Variants in PGR observed in about 807,000 individuals in gnomAD.
The protein encoded by PGR is nuclear receptor subfamily 3 group C member 3.
In PGR, 25 loss-of-function variants were observed where a neutral mutation model predicts 76.1. The ratio of observed to expected loss-of-function variants is 0.33; its 90% CI spans 0.24 to 0.46. The LOEUF is 0.46. Ranked by LOEUF, PGR falls within the 20% of genes least tolerant of loss-of-function variation. The pLI is 1.00. For missense variants in PGR, 1,172 were observed against 1,225.3 expected (o/e 0.96, Z 0.65); for synonymous variants, 579 against 535.0 (o/e 1.08, Z -1.14).
rs915504455 is a variant in PGR at position 101,088,056 on chromosome 11, G to C, written c.1906+3704C>G. 2.0e-5 allele frequency among the ~76,000 whole-genome samples: 3 copies of C among 152,032 alleles called. No homozygotes were observed. In the South Asian group the frequency reaches 6.2e-4, roughly 32 times the overall value. ...AAAAAAATAAATAAAAAGTTTGCCA[G>C]GTGTGGTGGTGCGTGCCTGTAGTCT... On this transcript the variant is annotated intron_variant, in intron 3 of 7. Transcript: ENST00000325455.
At position 101,107,187 on chromosome 11, in the gene PGR, T is replaced by C. The variant is rs182483574; in HGVS notation, c.1790-15311A>G. Among the ~76,000 whole-genome samples, 16 of 152,312 alleles carry C rather than the reference T, an allele frequency of 1.1e-4. No homozygotes were observed. In the East Asian group the frequency reaches 3.1e-3, roughly 29 times the overall value. The stretch of plus-strand genomic sequence containing the variant: ...GTAACAAAACTGCACGTTCTGCACA[T>C]GTACCCCAGAACTTAAAGTATAAGT... On this transcript the variant is annotated intron_variant, in intron 2 of 7. Coordinates refer to ENST00000325455, the MANE Select transcript of PGR (RefSeq NM_000926.4).
At chr11:101,055,608 T>C (rs1860263506) in intron 4 of PGR, among the ~76,000 whole-genome samples, 2 of 152,096 alleles carry the variant, frequency 1.3e-5, no homozygotes. Flanking sequence ...GACTTAACTA[T>C]GCTGTAATTT....
chr11:101,083,531 G>A (rs1019169579), intron 3 of PGR, among the ~76,000 whole-genome samples: 2 of 152,226 alleles, frequency 1.3e-5, no homozygotes, highest in Non-Finnish European at 2.9e-5. Context: ...AAAAGCAGCT[G>A]TGGGGGCTGT....
At chr11:101,119,050 A>G (rs886851991) in intron 2 of PGR, among the ~76,000 whole-genome samples, 4 of 152,160 alleles carry the variant, frequency 2.6e-5, no homozygotes, top group African/African-American at 9.7e-5. Context: ...AGATTCTCAT[A>G]AGAAGTGCGC....
chr11:101,113,860 T>G (rs1179525705), intron 2 of PGR, among the ~76,000 whole-genome samples: 1 of 152,106 alleles, frequency 6.6e-6, no homozygotes, highest in African/African-American at 2.4e-5. Context: ...CCTTTCTATT[T>G]CCTACTCCTT....
chr11:101,108,417 A>G (rs1862244382), intron 2 of PGR, among the ~76,000 whole-genome samples: 1 of 152,066 alleles, frequency 6.6e-6, no homozygotes, highest in Admixed American at 6.6e-5. Flanking sequence ...ACTTCAGCCC[A>G]GGAGTTCAAG....
chr11:101,095,380 C>A (rs569276658), intron 2 of PGR, among the ~76,000 whole-genome samples: 1 of 152,244 alleles, frequency 6.6e-6, no homozygotes, highest in African/African-American at 2.4e-5. Flanking sequence ...AACTTACTAT[C>A]CACAAATAAA....
chr11:101,067,608 T>G (rs1429094750), intron 3 of PGR, among the ~76,000 whole-genome samples: 1 of 151,970 alleles, frequency 6.6e-6, no homozygotes, highest in Non-Finnish European at 1.5e-5. Flanking sequence ...GGTGTGCAGG[T>G]TACCTACAGA....
chr11:101,068,161 A>C (rs1205549110), intron 3 of PGR, among the ~76,000 whole-genome samples: 1 of 152,210 alleles, frequency 6.6e-6, no homozygotes, highest in Admixed American at 6.5e-5. Flanking sequence ...TATATTAAAA[A>C]GTATGGCTTA....
chr11:101,055,908 A>G (rs1356285411), intron 4 of PGR, among the ~76,000 whole-genome samples: 3 of 152,238 alleles, frequency 2.0e-5, no homozygotes, highest in Admixed American at 6.5e-5. Flanking sequence ...CAATATTTAT[A>G]GCAGAAACTA....
rs183072266 is a variant in PGR, at chr11:101,036,089, A to G, written c.*3027T>C. 238 of 219,568 alleles carry G rather than the reference A, an allele frequency of 1.1e-3. No individual in the cohort carries two copies. Among genetic ancestry groups the G allele is most frequent in the Non-Finnish European group, 1.8e-3 (198 of 109,590 alleles). The allele number at this position is 219,568 out of a possible 1,614,324, so 13.6% of individuals were successfully genotyped here. On this transcript the variant is annotated 3_prime_UTR_variant, in exon 8 of 8. Coordinates refer to ENST00000325455, the MANE Select transcript of PGR (RefSeq NM_000926.4). ...TGGCAGAGAAGGGGGGCACAGTCCT[A>G]TGTCAGTTATCTCCACAGTGCCCAT...
Position 101,128,356 on chromosome 11 carries a change from C to G in PGR, c.715G>C (p.Gly239Arg). Residue 239 changes from glycine to arginine, a missense_variant, in exon 1 of 8, where the codon GGC becomes CGC. Physicochemically the swap from Gly to Arg is moderately radical, Grantham distance 125 (BLOSUM62 -2). Transcript: ENST00000325455. The stretch of plus-strand genomic sequence containing the variant: ...GCGCCACCCAGAGCCCGAGGTTTGC[C>G]CTTCAGAAGCGGACCCGCAGACTCC... ...SEESAGPLLK[G>R]KPRALGGAAA... 6.2e-7 allele frequency: 1 copy of G among 1,604,654 alleles called. No individual in the cohort carries two copies. Among genetic ancestry groups the G allele is most frequent in the Non-Finnish European group, 8.5e-7 (1 of 1,179,316 alleles).
intron 7 of PGR, among the ~76,000 whole-genome samples, chr11:101,040,851 CT>C: frequency 6.6e-6 from 1 of 151,970 alleles, no homozygotes; most frequent in East Asian, 1.9e-4. Flanking sequence ...ATTTTTTCTT[CT>C]GGACATTCCT....
chr11:101,051,159 T>A (rs1409554702), intron 5 of PGR, among the ~76,000 whole-genome samples: 1 of 152,110 alleles, frequency 6.6e-6, no homozygotes, highest in African/African-American at 2.4e-5. Context: ...TACCAAGCTA[T>A]GAAATTTTAA....
At chr11:101,126,955 C>G (rs1393941800) in intron 1 of PGR, 1 of 152,504 alleles carries the variant, frequency 6.6e-6, no homozygotes, top group Non-Finnish European at 1.5e-5. Flanking sequence ...GGCCACCTCT[C>G]AAGTCCCACC....
intron 2 of PGR, among the ~76,000 whole-genome samples, chr11:101,099,226 T>C (rs973478914): frequency 6.6e-6 from 1 of 152,244 alleles, no homozygotes; most frequent in Non-Finnish European, 1.5e-5. Context: ...TGCATTATTA[T>C]ACAGCAATGA....
rs755984639 is a variant in PGR, at chr11:101,127,784, C to A, written c.1287G>T (p.Ala429=). The change falls in exon 1 of 8, where the codon GCG becomes GCT. Residue 429 remains alanine (A), a synonymous_variant. Transcript: ENST00000325455. ...CCGCTTCCCCGGGTCTGGATGGGGT[C>A]GCTCGCGGCGGCAGCGGGGGCGGTG... ...LGPPPPLPPR[A]TPSRPGEAAV... 5 of 1,563,446 alleles carry A rather than the reference C, an allele frequency of 3.2e-6. No individual in the cohort carries two copies. The Admixed American group carries it at 5.6e-5, about 17-fold the overall frequency.
intron 7 of PGR, 67 bp downstream of exon 7, chr11:101,041,878 A>G (rs1210082189): frequency 1.4e-6 from 2 of 1,385,800 alleles, no homozygotes; most frequent in African/African-American, 1.4e-5. Flanking sequence ...ATTTACATGT[A>G]ACATTTAAAA....
chr11:101,128,739 A>G lies in PGR; in HGVS notation c.332T>C (p.Leu111Pro), dbSNP rs773988513. 1.9e-6 allele frequency: 3 copies of G among 1,613,300 alleles called. No homozygotes were observed. The highest frequency in any genetic ancestry group is 2.5e-6 in the Non-Finnish European group (3 of 1,179,964). The change falls in exon 1 of 8, where the codon CTG becomes CCG. Residue 111 changes from leucine (L) to proline (P), a missense_variant. Around this residue, in one of 4 missense-constraint regions of PGR, gnomAD observed 893 missense variants for 785.9 expected, o/e 1.14. Transcript: ENST00000325455. ...SSPPEKDSGL[L>P]DSVLDTLLAP... ...CAACAGAGTGTCCAAGACACTGTCC[A>G]GCAGTCCGCTGTCCTTTTCTGGGGG...
Sources: allele counts gnomAD v4.1 joint callset (sites outside exome capture counted in the v4.1 genomes callset), GRCh38; gene constraint gnomAD v4.1.1; regional missense constraint gnomAD v4.1.1; transcripts MANE v1.5; gene names NCBI Gene and HGNC (gene_info 2026-07-23, HGNC 2026-07-21).